The following PCDHGC3 variants were observed in gnomAD, a reference collection of about 807,000 sequenced individuals.
PCDHGC3 encodes protocadherin gamma subfamily C, 3, also known as protocadherin gamma-C3.
PCDHGC3 carries 26 observed loss-of-function variants against 59.2 expected under a neutral mutation model. That is an observed-to-expected ratio of 0.44 (90% CI 0.32 to 0.61). The LOEUF (loss-of-function observed/expected upper bound fraction) is 0.61, where lower values mean the gene tolerates loss of function less well. Among genes scored for constraint, PCDHGC3 ranks in the 20% least tolerant of loss-of-function variants. The probability of loss-of-function intolerance (pLI) is 0.05; values close to 1 mark genes in which losing one functional copy is unlikely to be tolerated. For missense variants in PCDHGC3, 1,080 were observed against 1,221.8 expected, an observed-to-expected ratio of 0.88 and a Z score of 1.73; for synonymous variants, 487 against 519.7, an observed-to-expected ratio of 0.94 and a Z score of 0.86.
intron 1 of PCDHGC3, 82 bp from the exon 2 acceptor site, chr5:141,494,725 C>T: frequency 6.2e-7 from 1 of 1,610,026 alleles, no homozygotes; most frequent in Middle Eastern, 1.7e-4. Context: ...CCCTCCTTCT[C>T]TCCCGGCCCA....
At chr5:141,480,514 C>A (rs1015316945) in intron 1 of PCDHGC3, among the ~76,000 whole-genome samples, 2 of 127,196 alleles carry the variant, frequency 1.6e-5, no homozygotes, top group African/African-American at 7.3e-5. Flanking sequence ...TGAGAACAAC[C>A]AAAAATGACA....
At chr5:141,497,848 T>C (rs2099779951) in intron 2 of PCDHGC3, among the ~76,000 whole-genome samples, 1 of 152,178 alleles carries the variant, frequency 6.6e-6, no homozygotes, top group South Asian at 2.1e-4. Flanking sequence ...AACAAACATT[T>C]TTGATTCAGC....
intron 3 of PCDHGC3, among the ~76,000 whole-genome samples, chr5:141,508,738 A>C (rs1596171196): frequency 7.1e-5 from 10 of 141,304 alleles, no homozygotes; most frequent in Admixed American, 1.4e-4. Context: ...TACACCCCCC[A>C]CCCCGCTCTT....
At position 141,487,855 on chromosome 5, in the gene PCDHGC3, A is replaced by G. The variant is rs1033833406; in HGVS notation, c.2431-6952A>G. The G allele has an allele frequency of 2.1e-6, 2 of 974,092 alleles. No homozygotes were observed. Among genetic ancestry groups the G allele is most frequent in the Non-Finnish European group, 3.0e-6 (2 of 668,870 alleles). The allele number at this position is 974,092 out of a possible 1,614,324, so 60.3% of individuals were successfully genotyped here. Reference sequence around the variant, plus strand: ...TATATCTGAGTAAGAAATGAAAGTAATTGGTGATCAAGAGCCAGGCTGTTG... The same window carrying G: ...TATATCTGAGTAAGAAATGAAAGTAGTTGGTGATCAAGAGCCAGGCTGTTG... On this transcript the variant is annotated intron_variant, in intron 1 of 3. Transcript: ENST00000308177. The surrounding 1 kb of genome is among the most constrained non-coding windows in gnomAD (Gnocchi z 5.0).
chr5:141,477,814 G>C lies in PCDHGC3; in HGVS notation c.1698G>C (p.Gln566His), dbSNP rs780195618. The C allele has an allele frequency of 1.2e-6, 2 of 1,614,110 alleles. No homozygotes were observed. The highest frequency in any genetic ancestry group is 1.1e-5 in the South Asian group (1 of 91,074). Residue 566 changes from glutamine to histidine, a missense_variant, in exon 1 of 4, where the codon CAG (glutamine) becomes CAC (histidine). Coordinates refer to ENST00000308177, the MANE Select transcript of PCDHGC3 (RefSeq NM_002588.4). The surrounding 1 kb of genome is among the most constrained non-coding windows in gnomAD (Gnocchi z 4.9). The part of the protein sequence containing the change: ...FVTDRNDNAP[Q>H]VLYPRPGGSS... ...CTGATCGCAATGACAATGCCCCCCA[G>C]GTCCTATATCCTCGGCCAGGTGGGA... is the stretch of plus-strand genomic sequence containing the variant.
At chr5:141,478,665 A>G (rs749063178) in intron 1 of PCDHGC3, 119 bp downstream of exon 1, 88 of 1,551,690 alleles carry the variant, frequency 5.7e-5, no homozygotes, top group Non-Finnish European at 3.7e-5. Flanking sequence ...ATGCATTCAC[A>G]CTTTCAACTG....
At chr5:141,488,472 T>C (rs1183465817) in intron 1 of PCDHGC3, among the ~76,000 whole-genome samples, 1 of 152,096 alleles carries the variant, frequency 6.6e-6, no homozygotes, top group East Asian at 1.9e-4. Context: ...CCAGAAATGT[T>C]CCCCTACCCA....
intron 2 of PCDHGC3, among the ~76,000 whole-genome samples, chr5:141,498,847 C>T (rs932801278): frequency 1.3e-5 from 2 of 151,856 alleles, no homozygotes; most frequent in Admixed American, 1.3e-4. Flanking sequence ...GCAGGGGAAT[C>T]GCTTGAACCC....
rs767291767 is a variant in PCDHGC3, at chr5:141,487,668, T to C, written c.2431-7139T>C. ...CTTGAGGGTTATTCTGATCCAGGCA[T>C]ATGGCTAGGCCATGTCCTAGAGAGT... is the stretch of plus-strand genomic sequence containing the variant. On this transcript the variant is annotated intron_variant, in intron 1 of 3. Transcript: ENST00000308177. The surrounding 1 kb of genome is among the most constrained non-coding windows in gnomAD (Gnocchi z 5.0). 1.9e-6 allele frequency: 3 copies of C among 1,612,658 alleles called. No homozygotes were observed. Among genetic ancestry groups the C allele is most frequent in the South Asian group, 1.1e-5 (1 of 90,650 alleles).
In PCDHGC3 at chr5:141,477,200, C is replaced by A; in HGVS notation, c.1084C>A (p.Pro362Thr). The change falls in exon 1 of 4, where the codon CCC becomes ACC. Residue 362 changes from proline to threonine, a missense_variant. Transcript: ENST00000308177. The surrounding 1 kb of genome is among the most constrained non-coding windows in gnomAD (Gnocchi z 4.9). The stretch of plus-strand genomic sequence containing the variant: ...AGTCACCTCCGTGTACAGCCCAGTA[C>A]CCGAGGATGCCCCTCTGGGGACTGT... Reference protein sequence around the residue: ...ITVTSVYSPVPEDAPLGTVIA... With the variant: ...ITVTSVYSPVTEDAPLGTVIA... 6.2e-7 allele frequency: 1 copy of A among 1,614,206 alleles called. No homozygotes were observed. Among genetic ancestry groups the A allele is most frequent in the South Asian group, 1.1e-5 (1 of 91,088 alleles).
At position 141,511,399 on chromosome 5, in the gene PCDHGC3, A is replaced by C; in HGVS notation, c.*226A>C. 1.0e-6 allele frequency: 1 copy of C among 987,714 alleles called. No homozygotes were observed. The highest frequency in any genetic ancestry group is 1.4e-6 in the Non-Finnish European group (1 of 693,342). The allele number at this position is 987,714 out of a possible 1,614,324, so 61.2% of individuals were successfully genotyped here. ...CAGTTCCGCTGGGAACCCCCATCCA[A>C]TCAACTGCTGTACCCATGGGGGTAG... On this transcript the variant is annotated 3_prime_UTR_variant, in exon 4 of 4. Transcript: ENST00000308177.
chr5:141,484,897 A>G (rs2099602925), intron 1 of PCDHGC3: 2 of 392,698 alleles, frequency 5.1e-6, no homozygotes, highest in Middle Eastern at 7.1e-4. Flanking sequence ...TTTCCCCTCC[A>G]ATGCTGCGAC....
At position 141,486,548 on chromosome 5, in the gene PCDHGC3, T is replaced by C; in HGVS notation, c.2430+8002T>C. 1 of 1,614,100 alleles carries C rather than the reference T, an allele frequency of 6.2e-7. No individual in the cohort carries two copies. ...TAATCCACCCTCTTTCTTTCAGAGG[T>C]CACATGAGGTGTTTGTTCCTGAGAA... is the stretch of plus-strand genomic sequence containing the variant. On this transcript the variant is annotated intron_variant, in intron 1 of 3. Coordinates refer to ENST00000308177, the MANE Select transcript of PCDHGC3 (RefSeq NM_002588.4). The surrounding 1 kb of genome is among the most constrained non-coding windows in gnomAD (Gnocchi z 5.0).
At chr5:141,478,816 A>G in intron 1 of PCDHGC3, 1 of 1,450,826 alleles carries the variant, frequency 6.9e-7, no homozygotes, top group Non-Finnish European at 9.1e-7. Context: ...TATCACAACT[A>G]ACCAATCTTG....
intron 3 of PCDHGC3, among the ~76,000 whole-genome samples, chr5:141,506,417 A>C (rs1326078146): frequency 6.8e-6 from 1 of 147,658 alleles, no homozygotes; most frequent in Non-Finnish European, 1.5e-5. Context: ...ACTGCACTCC[A>C]GCCTGGGCAA....
chr5:141,483,730 T>G (rs999201456), intron 1 of PCDHGC3, among the ~76,000 whole-genome samples: 1 of 152,014 alleles, frequency 6.6e-6, no homozygotes, highest in Non-Finnish European at 1.5e-5. Flanking sequence ...CCCACCATAG[T>G]CAAAAGGATA....
intron 1 of PCDHGC3, among the ~76,000 whole-genome samples, chr5:141,484,723 G>T (rs930331672): frequency 1.3e-5 from 2 of 151,930 alleles, no homozygotes; most frequent in Non-Finnish European, 2.9e-5. Flanking sequence ...AAGGGGCGGG[G>T]TCAGTCGGTG....
At chr5:141,495,279 G>T (rs72790069) in intron 2 of PCDHGC3, among the ~76,000 whole-genome samples, 4 of 152,146 alleles carry the variant, frequency 2.6e-5, no homozygotes, top group Non-Finnish European at 5.9e-5. Context: ...CGGAGGAGGC[G>T]GTCCGCACTC....
chr5:141,483,213 C>T (rs1343903817), intron 1 of PCDHGC3, among the ~76,000 whole-genome samples: 1 of 152,142 alleles, frequency 6.6e-6, no homozygotes, highest in Non-Finnish European at 1.5e-5. Flanking sequence ...ATATAGATGA[C>T]AGTCACTGCA....
Sources: allele counts gnomAD v4.1 joint callset (sites outside exome capture counted in the v4.1 genomes callset), GRCh38; gene constraint gnomAD v4.1.1; non-coding constraint Gnocchi (gnomAD v3.1); transcripts MANE v1.5; gene names NCBI Gene and HGNC (gene_info 2026-07-23, HGNC 2026-07-21).